The following PTGFR variants were observed in gnomAD, a reference collection of about 807,000 sequenced individuals.
PTGFR encodes prostaglandin F receptor, also known as prostaglandin F2-alpha receptor.
In PTGFR, 15 loss-of-function variants were observed where a neutral mutation model predicts 26.2. The observed-to-expected ratio is 0.57, with a 90% CI of 0.38 to 0.88. PTGFR has a LOEUF of 0.88. Ranked by LOEUF, PTGFR falls within the 40% of genes least tolerant of loss-of-function variation. PTGFR has a pLI of 0.00. For synonymous variants in PTGFR, 165 were observed against 151.1 expected, an observed-to-expected ratio of 1.09 and a Z score of -0.68; for missense variants, 369 against 427.2, an observed-to-expected ratio of 0.86 and a Z score of 1.20.
chr1:78,527,785 T>C (rs1289648214), intron 2 of PTGFR, among the ~76,000 whole-genome samples: 2 of 152,148 alleles, frequency 1.3e-5, no homozygotes, highest in African/African-American at 4.8e-5. Context: ...TGAGTCATGG[T>C]TTGTGACCTC....
chr1:78,528,554 C>A (rs550290005), intron 2 of PTGFR, among the ~76,000 whole-genome samples: 1 of 152,084 alleles, frequency 6.6e-6, no homozygotes, highest in East Asian at 1.9e-4. Context: ...GTGTGTTCCA[C>A]GTGCCTTAAT....
chr1:78,508,594 C>T (rs1649881125), intron 2 of PTGFR, among the ~76,000 whole-genome samples: 7 of 152,106 alleles, frequency 4.6e-5, no homozygotes, highest in Admixed American at 4.6e-4. Context: ...GGTTCAAACT[C>T]TCCCCTGACT....
At chr1:78,498,499 A>G (rs1488993997) in intron 2 of PTGFR, among the ~76,000 whole-genome samples, 1 of 152,308 alleles carries the variant, frequency 6.6e-6, no homozygotes, top group East Asian at 1.9e-4. Flanking sequence ...ATATATGCAA[A>G]TACACACATA....
At chr1:78,495,221 C>T (rs886611096) in intron 2 of PTGFR, among the ~76,000 whole-genome samples, 2 of 152,270 alleles carry the variant, frequency 1.3e-5, no homozygotes, top group African/African-American at 2.4e-5. Flanking sequence ...CTGAGGAGGC[C>T]TTGGGTGAAC....
rs563183663 is a variant in PTGFR at position 78,504,677 on chromosome 1, A to G, written c.798+11136A>G. Among the ~76,000 whole-genome samples the G allele has an allele frequency of 8.5e-5, 13 of 152,142 alleles. No homozygotes were observed. The East Asian group carries it at 1.5e-3, about 18-fold the overall frequency. On this transcript the variant is annotated intron_variant, in intron 2 of 2. Coordinates refer to ENST00000370757, the MANE Select transcript of PTGFR (RefSeq NM_000959.4). The stretch of plus-strand genomic sequence containing the variant: ...ATTTACCTCTTTTTTTCTTCTAGCA[A>G]TTTTCCCCATTCATCATTTGTATTT...
At chr1:78,519,248 G>A (rs1014416035) in intron 2 of PTGFR, among the ~76,000 whole-genome samples, 8 of 152,016 alleles carry the variant, frequency 5.3e-5, no homozygotes, top group African/African-American at 1.9e-4. Context: ...AGTTCATATA[G>A]CCTATTGTAG....
intron 2 of PTGFR, among the ~76,000 whole-genome samples, chr1:78,529,949 T>C (rs145049743): frequency 0.021 from 3,233 of 152,282 alleles, 39 homozygotes; most frequent in Middle Eastern, 0.068. Flanking sequence ...CGTGATGATC[T>C]GAGGTGGAAC....
At chr1:78,530,796 G>A (rs1371912476) in intron 2 of PTGFR, among the ~76,000 whole-genome samples, 1 of 152,162 alleles carries the variant, frequency 6.6e-6, no homozygotes, top group Non-Finnish European at 1.5e-5. Flanking sequence ...ACTGGGAATG[G>A]TGTAGTGGAA....
intron 2 of PTGFR, among the ~76,000 whole-genome samples, chr1:78,524,823 A>G (rs1035547299): frequency 2.0e-5 from 3 of 150,870 alleles, no homozygotes; most frequent in African/African-American, 7.3e-5. Flanking sequence ...GTATCTTTCT[A>G]TAATAAAATA....
chr1:78,521,821 T>C (rs1650249772), intron 2 of PTGFR, among the ~76,000 whole-genome samples: 1 of 152,132 alleles, frequency 6.6e-6, no homozygotes, highest in Non-Finnish European at 1.5e-5. Flanking sequence ...AGGTTTTTGA[T>C]CTACTATATA....
rs1047185925 is a variant in PTGFR at position 78,538,450 on chromosome 1, T to G, written c.*1763T>G. 2 of 151,956 alleles carry G rather than the reference T, an allele frequency of 1.3e-5. No individual in the cohort carries two copies. Among genetic ancestry groups the G allele is most frequent in the Non-Finnish European group, 2.9e-5 (2 of 67,966 alleles). The allele number at this position is 151,956 out of a possible 1,614,324, so 9.4% of individuals were successfully genotyped here. A position where few individuals can be genotyped will look rare whatever the true frequency, so the allele number is the denominator to read the frequency against. ...AGATGTGTACATATCTTAGGAGGGT[T>G]ATCTATGTTATCTGAGTATATGTTT... On this transcript the variant is annotated 3_prime_UTR_variant, in exon 3 of 3. Transcript: ENST00000370757.
At chr1:78,532,962 G>A (rs1473603934) in intron 2 of PTGFR, among the ~76,000 whole-genome samples, 1 of 152,140 alleles carries the variant, frequency 6.6e-6, no homozygotes. Flanking sequence ...TAAGGCTAAT[G>A]TAGTCCTGGA....
chr1:78,538,491 T>C lies in PTGFR; in HGVS notation c.*1804T>C, dbSNP rs1650711825. ...GTATATGTTTGGGTAACCAAATTGG[T>C]CTTAAAAATGATGTTAACCCAAGAA... On this transcript the variant is annotated 3_prime_UTR_variant, in exon 3 of 3. Transcript: ENST00000370757. The C allele has an allele frequency of 6.6e-6, 1 of 151,290 alleles. No individual in the cohort carries two copies. The highest frequency in any genetic ancestry group is 1.5e-5 in the Non-Finnish European group (1 of 67,844). The allele number at this position is 151,290 out of a possible 1,614,324, so 9.4% of individuals were successfully genotyped here.
intron 2 of PTGFR, among the ~76,000 whole-genome samples, chr1:78,495,074 A>AT (rs1649513014): frequency 1.3e-5 from 2 of 152,304 alleles, no homozygotes; most frequent in Non-Finnish European, 2.9e-5. Context: ...CACAACCTGA[A>AT]TTTGGCTTCT....
At chr1:78,492,299 C>G (rs1379065896) in intron 1 of PTGFR, among the ~76,000 whole-genome samples, 1 of 152,204 alleles carries the variant, frequency 6.6e-6, no homozygotes, top group Non-Finnish European at 1.5e-5. Context: ...AAAGGTCTCT[C>G]TCTCTTTTTT....
chr1:78,509,050 C>G (rs77853686), intron 2 of PTGFR, among the ~76,000 whole-genome samples: 4,384 of 152,186 alleles, frequency 0.029, 219 homozygotes, highest in African/African-American at 0.1. Flanking sequence ...CATTCTGTCT[C>G]ATGCTTGCAG....
rs368119499 is a variant in PTGFR at position 78,509,753 on chromosome 1, T to C, written c.798+16212T>C. Among the ~76,000 whole-genome samples the C allele has an allele frequency of 7.9e-5, 12 of 152,356 alleles. No individual in the cohort carries two copies. In the East Asian group the frequency reaches 1.2e-3, roughly 15 times the overall value. On this transcript the variant is annotated intron_variant, in intron 2 of 2. Transcript: ENST00000370757. The stretch of plus-strand genomic sequence containing the variant: ...ATTTAGATGGTCTGTATAAACTAAA[T>C]GGTCATAATATAAATGCTAGCCTGC...
chr1:78,513,442 G>A (rs1333228397), intron 2 of PTGFR, among the ~76,000 whole-genome samples: 4 of 152,182 alleles, frequency 2.6e-5, no homozygotes, highest in Non-Finnish European at 4.4e-5. Context: ...GAATTTAAAA[G>A]TGATGGCCTA....
At chr1:78,513,286 G>A (rs1480615503) in intron 2 of PTGFR, among the ~76,000 whole-genome samples, 1 of 151,608 alleles carries the variant, frequency 6.6e-6, no homozygotes, top group African/African-American at 2.4e-5. Context: ...AATGCTGATG[G>A]AAATACGGAC....
Sources: allele counts gnomAD v4.1 joint callset (sites outside exome capture counted in the v4.1 genomes callset), GRCh38; gene constraint gnomAD v4.1.1; transcripts MANE v1.5; gene names NCBI Gene and HGNC (gene_info 2026-07-23, HGNC 2026-07-21).